The following CSMD1 variants were observed in gnomAD, a reference collection of about 807,000 sequenced individuals.
CSMD1 encodes the protein CUB and Sushi multiple domains 1.
Under a neutral mutation model 417.5 loss-of-function variants are expected in CSMD1, and 213 were observed. The ratio of observed to expected loss-of-function variants is 0.51; its 90% CI spans 0.46 to 0.57. CSMD1 has a LOEUF of 0.57. CSMD1 is among the 20% of genes least tolerant of loss of function. The pLI, the probability that CSMD1 is intolerant of heterozygous loss-of-function variation, is 0.00. For synonymous variants in CSMD1, 2,862 were observed against 1,736.8 expected, an observed-to-expected ratio of 1.65 and a Z score of -16.11; for missense variants, 6,923 against 4,529.7, an observed-to-expected ratio of 1.53 and a Z score of -15.17.
intron 15 of CSMD1, 126 bp downstream of exon 15, chr8:3,405,901 G>C (rs373143274): frequency 6.3e-5 from 52 of 819,120 alleles, no homozygotes; most frequent in African/African-American, 3.9e-4. Context: ...TGTTGGTTAA[G>C]TGACTGTGTG....
intron 54 of CSMD1, among the ~76,000 whole-genome samples, chr8:2,997,711 C>G (rs1295689918): frequency 6.6e-6 from 1 of 152,042 alleles, no homozygotes; most frequent in East Asian, 1.9e-4. Flanking sequence ...CCCCCAAATG[C>G]TAACTATACA....
rs1358775764 is a variant in CSMD1 at position 4,857,156 on chromosome 8, A to C, written c.85+137176T>G. Among the ~76,000 whole-genome samples the C allele has an allele frequency of 5.2e-3, 786 of 150,802 alleles. 7 individuals carry two copies. Among genetic ancestry groups the C allele is most frequent in the African/African-American group, 0.018 (725 of 40,682 alleles). On this transcript the variant is annotated intron_variant, in intron 1 of 69. Coordinates refer to ENST00000635120, the MANE Select transcript of CSMD1 (RefSeq NM_033225.6). ...TACATGGAAACTGAACAACCTGCTC[A>C]TGAATGACTACTGGGTACATAACGA...
chr8:3,182,841 G>GGGGGGTGT (rs768081848), intron 36 of CSMD1: 2 of 11,470 alleles, frequency 1.7e-4, no homozygotes, highest in African/African-American at 2.6e-4. Flanking sequence ...TTTATAAGAA[G>GGGGGGTGT]GTGTGTGTGT....
intron 1 of CSMD1, among the ~76,000 whole-genome samples, chr8:4,928,048 T>C (rs1179828907): frequency 1.3e-5 from 2 of 152,196 alleles, no homozygotes; most frequent in African/African-American, 4.8e-5. Context: ...TGATACAGGA[T>C]GCTCACCAGG....
At chr8:4,337,391 C>G (rs1376352536) in intron 3 of CSMD1, among the ~76,000 whole-genome samples, 1 of 152,030 alleles carries the variant, frequency 6.6e-6, no homozygotes, top group Non-Finnish European at 1.5e-5. Context: ...CTTCAGTAAA[C>G]AGGTATTTTG....
At position 4,304,179 on chromosome 8, in the gene CSMD1, T is replaced by C. The variant is rs1363227510; in HGVS notation, c.415+115774A>G. Among the ~76,000 whole-genome samples, 3 of 152,144 alleles carry C rather than the reference T, an allele frequency of 2.0e-5. No homozygotes were observed. In the South Asian group the frequency reaches 6.2e-4, roughly 32 times the overall value. On this transcript the variant is annotated intron_variant, in intron 3 of 69. Coordinates refer to ENST00000635120, the MANE Select transcript of CSMD1 (RefSeq NM_033225.6). Reference sequence around the variant, plus strand: ...TAGAAGGACATAAACCAATTCAAATTTGGGAGAATAAGCCAGTTTTGATGA... The same window carrying C: ...TAGAAGGACATAAACCAATTCAAATCTGGGAGAATAAGCCAGTTTTGATGA...
At chr8:4,914,991 T>G (rs554621517) in intron 1 of CSMD1, among the ~76,000 whole-genome samples, 2 of 152,158 alleles carry the variant, frequency 1.3e-5, no homozygotes, top group East Asian at 3.9e-4. Flanking sequence ...TACCAGGCAA[T>G]AGCTACCGTA....
At chr8:4,205,834 A>C (rs778750017) in intron 3 of CSMD1, among the ~76,000 whole-genome samples, 1 of 152,190 alleles carries the variant, frequency 6.6e-6, no homozygotes, top group Non-Finnish European at 1.5e-5. Context: ...CCCCATTAAC[A>C]TATGAGTACA....
intron 10 of CSMD1, among the ~76,000 whole-genome samples, chr8:3,504,703 T>C (rs937451280): frequency 2.6e-5 from 4 of 152,234 alleles, no homozygotes; most frequent in African/African-American, 9.6e-5. Flanking sequence ...GCAAATTTTA[T>C]CACCTGCACC....
At chr8:2,942,352 A>G (rs1801935372) in intron 69 of CSMD1, 120 bp downstream of exon 69, 1 of 932,676 alleles carries the variant, frequency 1.1e-6, no homozygotes, top group Admixed American at 3.0e-5. Context: ...TAAAAAAAAA[A>G]AAAGAACATT....
chr8:4,210,505 C>G (rs11781359), intron 3 of CSMD1, among the ~76,000 whole-genome samples: 25,323 of 152,062 alleles, frequency 0.17, 2,433 homozygotes, highest in Middle Eastern at 0.3. Context: ...ATTTTCTTCT[C>G]TTATATCTTA....
At chr8:3,609,142 G>T (rs976212253) in intron 8 of CSMD1, among the ~76,000 whole-genome samples, 1 of 152,202 alleles carries the variant, frequency 6.6e-6, no homozygotes, top group Non-Finnish European at 1.5e-5. Context: ...ATAGCACTTT[G>T]TTAGGTTAGC....
intron 3 of CSMD1, among the ~76,000 whole-genome samples, chr8:4,157,327 G>T (rs190250832): frequency 6.6e-6 from 1 of 152,318 alleles, no homozygotes; most frequent in East Asian, 1.9e-4. Flanking sequence ...CTCAGGGTGG[G>T]CAGAGCCCAA....
intron 3 of CSMD1, among the ~76,000 whole-genome samples, chr8:4,217,461 A>C (rs928022657): frequency 1.3e-5 from 2 of 152,190 alleles, no homozygotes; most frequent in African/African-American, 4.8e-5. Context: ...AGCTATACAC[A>C]GTGAATTAAA....
In CSMD1 at chr8:4,443,739, G is replaced by T. The variant is rs115149289; in HGVS notation, c.303-23674C>A. Among the ~76,000 whole-genome samples the T allele has an allele frequency of 5.5e-3, 840 of 152,224 alleles. 3 individuals carry two copies. Among genetic ancestry groups the T allele is most frequent in the African/African-American group, 0.02 (810 of 41,538 alleles). ...GTTGGCTAAAGATGATCCAAAATATGAACAGTTTTATCAAACTATAAACAC... is the reference window on the plus strand; with the variant it reads ...GTTGGCTAAAGATGATCCAAAATATTAACAGTTTTATCAAACTATAAACAC... On this transcript the variant is annotated intron_variant, in intron 2 of 69. Coordinates refer to ENST00000635120, the MANE Select transcript of CSMD1 (RefSeq NM_033225.6).
At chr8:4,676,343 T>C (rs546594691) in intron 1 of CSMD1, among the ~76,000 whole-genome samples, 7 of 152,276 alleles carry the variant, frequency 4.6e-5, no homozygotes, top group Admixed American at 4.6e-4. Flanking sequence ...TGTATCCATC[T>C]GCCCTGAACT....
chr8:4,950,819 G>A (rs1409987848), intron 1 of CSMD1, among the ~76,000 whole-genome samples: 1 of 152,028 alleles, frequency 6.6e-6, no homozygotes, highest in Admixed American at 6.6e-5. Flanking sequence ...CACTCTTGGT[G>A]ACCATTAGGA....
At chr8:4,706,834 A>T (rs1807976840) in intron 1 of CSMD1, among the ~76,000 whole-genome samples, 1 of 152,208 alleles carries the variant, frequency 6.6e-6, no homozygotes, top group Non-Finnish European at 1.5e-5. Context: ...AGTTGACCCG[A>T]TTGAGAGAAT....
chr8:3,099,381 C>G (rs936626293), intron 46 of CSMD1, among the ~76,000 whole-genome samples: 2 of 152,124 alleles, frequency 1.3e-5, no homozygotes, highest in African/African-American at 4.8e-5. Context: ...TTTGTAAGCT[C>G]AGGGCTGCCT....
Sources: gnomAD v4.1 joint callset for allele counts (sites outside exome capture counted in the v4.1 genomes callset) on GRCh38, gnomAD v4.1.1 for gene constraint, MANE v1.5 for transcripts, NCBI Gene and HGNC (gene_info 2026-07-23, HGNC 2026-07-21) for gene names.